The following WDR72 variants were observed in gnomAD, a reference collection of about 807,000 sequenced individuals.
WDR72 encodes the protein WD repeat domain 72, also known as WD repeat-containing protein 72.
In WDR72, 120 loss-of-function variants were observed where a neutral mutation model predicts 124.2. The observed-to-expected ratio is 0.97, with a 90% CI of 0.83 to 1.12. The LOEUF is 1.12. WDR72 is among the 50% of genes most tolerant of loss of function. The pLI is 0.00. For synonymous variants in WDR72, 452 were observed against 441.7 expected (o/e 1.02, Z -0.29); for missense variants, 1,387 against 1,278.8 (o/e 1.08, Z -1.29).
At position 53,542,906 on chromosome 15, in the gene WDR72, C is replaced by T. The variant is rs550292503; in HGVS notation, c.3149-19584G>A. On this transcript the variant is annotated intron_variant, in intron 18 of 19. Coordinates refer to ENST00000360509, the MANE Select transcript of WDR72 (RefSeq NM_182758.4). ...TCAAAAGAGACAAAGAAGGCCATTACATAATGGTAAAGGGATCAATTCAAC... is the reference window on the plus strand; with the variant it reads ...TCAAAAGAGACAAAGAAGGCCATTATATAATGGTAAAGGGATCAATTCAAC... 8.0e-3 allele frequency among the ~76,000 whole-genome samples: 1,191 copies of T among 148,394 alleles called. 19 individuals carry two copies. The highest frequency in any genetic ancestry group is 0.029 in the African/African-American group (1,143 of 40,088).
At chr15:53,521,666 A>G (rs1006027444) in intron 19 of WDR72, among the ~76,000 whole-genome samples, 1 of 152,036 alleles carries the variant, frequency 6.6e-6, no homozygotes, top group Non-Finnish European at 1.5e-5. Context: ...ATATTAAGGG[A>G]TGATGGAAAT....
At chr15:53,545,396 AAAAC>A (rs768436414) in intron 18 of WDR72, among the ~76,000 whole-genome samples, 144 of 150,060 alleles carry the variant, frequency 9.6e-4, no homozygotes, top group Admixed American at 3.0e-3. Flanking sequence ...AAACCTGAGA[AAAAC>A]AAGCAATGGG....
At position 53,516,469 on chromosome 15, in the gene WDR72, T is replaced by G. The variant is rs1198732031; in HGVS notation, c.*1230A>C. The G allele has an allele frequency of 6.6e-6, 1 of 152,022 alleles. No individual in the cohort carries two copies. The highest frequency in any genetic ancestry group is 1.5e-5 in the Non-Finnish European group (1 of 67,956). The allele number at this position is 152,022 out of a possible 1,614,324, so 9.4% of individuals were successfully genotyped here. On this transcript the variant is annotated 3_prime_UTR_variant, in exon 20 of 20. Coordinates refer to ENST00000360509, the MANE Select transcript of WDR72 (RefSeq NM_182758.4). ...CTTTAATTGAAGTGACTTGAACTTC[T>G]CTGTTAGATACATACATAGATATAG...
Position 53,516,022 on chromosome 15 carries a change from A to AAAT in WDR72, c.*1674_*1676dup, listed in dbSNP as rs1252469355. The AAAT allele has an allele frequency of 2.0e-5, 3 of 152,138 alleles. No homozygotes were observed. Among genetic ancestry groups the AAAT allele is most frequent in the Non-Finnish European group, 4.4e-5 (3 of 67,992 alleles). 9.4% of individuals were successfully genotyped at this position (152,138 alleles called of 1,614,324 possible). A position where few individuals can be genotyped will look rare whatever the true frequency, so the allele number is the denominator to read the frequency against. On this transcript the variant is annotated 3_prime_UTR_variant, in exon 20 of 20. Transcript: ENST00000360509. Reference sequence around the variant, plus strand: ...GACAACTGGTATACAACAAGCAAGAAAATATAATCCATCGCCTAACTTGCT... The same window carrying AAAT: ...GACAACTGGTATACAACAAGCAAGAAAATAATATAATCCATCGCCTAACTTGCT...
intron 18 of WDR72, among the ~76,000 whole-genome samples, chr15:53,586,068 C>T (rs567772490): frequency 6.3e-4 from 96 of 152,136 alleles, no homozygotes; most frequent in South Asian, 1.2e-3. Context: ...ATTTTTACAA[C>T]CTTTTGGAAA....
At chr15:53,734,981 AT>A (rs1184287833) in intron 1 of WDR72, among the ~76,000 whole-genome samples, 1 of 152,040 alleles carries the variant, frequency 6.6e-6, no homozygotes, top group East Asian at 1.9e-4. Flanking sequence ...GAATATCTAA[AT>A]TTTTTTAAAA....
intron 14 of WDR72, among the ~76,000 whole-genome samples, chr15:53,629,458 A>G (rs1595805274): frequency 6.6e-6 from 1 of 152,026 alleles, no homozygotes; most frequent in African/African-American, 2.4e-5. Context: ...ATTCATAAAA[A>G]TGACCACGAA....
At chr15:53,671,295 A>G (rs1455863221) in intron 13 of WDR72, among the ~76,000 whole-genome samples, 1 of 152,162 alleles carries the variant, frequency 6.6e-6, no homozygotes, top group Non-Finnish European at 1.5e-5. Flanking sequence ...TGCTAGCTCT[A>G]GCACATCCTT....
At chr15:53,679,944 CA>C (rs3081356) in intron 13 of WDR72, among the ~76,000 whole-genome samples, 22 of 143,176 alleles carry the variant, frequency 1.5e-4, no homozygotes, top group African/African-American at 1.4e-4. Flanking sequence ...ATATCTGCAG[CA>C]AAAAAAAAAA....
intron 13 of WDR72, among the ~76,000 whole-genome samples, chr15:53,691,600 T>G (rs867175637): frequency 7.3e-6 from 1 of 137,378 alleles, no homozygotes; most frequent in African/African-American, 2.8e-5. Context: ...TGTAAAATGA[T>G]AGACAGACAG....
chr15:53,641,220 T>C, intron 14 of WDR72, among the ~76,000 whole-genome samples: 1 of 152,066 alleles, frequency 6.6e-6, no homozygotes, highest in East Asian at 1.9e-4. Flanking sequence ...TTAACTTTCC[T>C]CTTTGACTTT....
rs1376692256 is a variant in WDR72 at position 53,615,502 on chromosome 15, C to A, written c.2704G>T (p.Val902Phe). The A allele has an allele frequency of 6.2e-7, 1 of 1,612,644 alleles. No homozygotes were observed. The highest frequency in any genetic ancestry group is 8.5e-7 in the Non-Finnish European group (1 of 1,179,324). Residue 902 changes from valine to phenylalanine, a missense_variant, in exon 15 of 20, where the codon GTT becomes TTT. By Grantham distance (50) the Val-to-Phe change is conservative. Coordinates refer to ENST00000360509, the MANE Select transcript of WDR72 (RefSeq NM_182758.4). ...AAAAATAGTCTGCTCAACAAATAAACTATAGTATCTGACTCTCGCAAAGAA... is the reference window on the plus strand; with the variant it reads ...AAAAATAGTCTGCTCAACAAATAAAATATAGTATCTGACTCTCGCAAAGAA... ...CDSLRESDTI[V>F]YLLSRLFLVN...
chr15:53,698,623 C>G (rs1408859107), intron 13 of WDR72, among the ~76,000 whole-genome samples: 1 of 152,140 alleles, frequency 6.6e-6, no homozygotes, highest in Non-Finnish European at 1.5e-5. Context: ...GAGGCAAGCC[C>G]AGGCTTTAGG....
At chr15:53,657,982 T>C (rs992331458) in intron 14 of WDR72, among the ~76,000 whole-genome samples, 6 of 152,210 alleles carry the variant, frequency 3.9e-5, no homozygotes, top group African/African-American at 1.2e-4. Flanking sequence ...GCTGACTTCA[T>C]TGAAAAAGGC....
At chr15:53,579,097 T>C (rs895545568) in intron 18 of WDR72, among the ~76,000 whole-genome samples, 1 of 152,054 alleles carries the variant, frequency 6.6e-6, no homozygotes, top group Non-Finnish European at 1.5e-5. Flanking sequence ...TGAGCTATGG[T>C]TGCTGATCTC....
At chr15:53,587,079 A>G (rs4625672) in intron 18 of WDR72, among the ~76,000 whole-genome samples, 48,278 of 151,640 alleles carry the variant, frequency 0.32, 8,162 homozygotes, top group Admixed American at 0.42. Flanking sequence ...GGCATTTAGC[A>G]GTCAGGCACC....
At chr15:53,630,723 G>T (rs1223734264) in intron 14 of WDR72, among the ~76,000 whole-genome samples, 1 of 152,072 alleles carries the variant, frequency 6.6e-6, no homozygotes, top group East Asian at 1.9e-4. Context: ...TCTGATAGAG[G>T]GTATCTGTGG....
intron 1 of WDR72, among the ~76,000 whole-genome samples, chr15:53,738,626 C>T (rs1157885216): frequency 6.6e-6 from 1 of 152,056 alleles, no homozygotes; most frequent in East Asian, 1.9e-4. Flanking sequence ...GATGGAGTCT[C>T]GTTCTTGTCG....
chr15:53,544,525 GCTAT>G (rs1405565256), intron 18 of WDR72, among the ~76,000 whole-genome samples: 4 of 145,262 alleles, frequency 2.8e-5, no homozygotes, highest in Non-Finnish European at 3.0e-5. Context: ...AATAATAAGA[GCTAT>G]CTATGACAAA....
Sources: gnomAD v4.1 joint callset for allele counts (sites outside exome capture counted in the v4.1 genomes callset) on GRCh38, gnomAD v4.1.1 for gene constraint, MANE v1.5 for transcripts, NCBI Gene and HGNC (gene_info 2026-07-23, HGNC 2026-07-21) for gene names.